The following UTRN variants were observed in gnomAD, a reference collection of about 807,000 sequenced individuals.
The protein encoded by UTRN is utrophin.
A neutral mutation model predicts 463.9 loss-of-function variants in UTRN; 283 were observed. The ratio of observed to expected loss-of-function variants is 0.61; its 90% confidence interval spans 0.55 to 0.67. The LOEUF is 0.67. Among genes scored for constraint, UTRN ranks in the 30% least tolerant of loss-of-function variants. The pLI is 0.00. For synonymous variants in UTRN, 1,442 were observed against 1,431.5 expected, an observed-to-expected ratio of 1.01 and a Z score of -0.17; for missense variants, 3,922 against 4,084.3, an observed-to-expected ratio of 0.96 and a Z score of 1.08.
intron 65 of UTRN, among the ~76,000 whole-genome samples, chr6:144,819,156 C>G (rs17074272): frequency 0.059 from 8,942 of 152,202 alleles, 864 homozygotes; most frequent in African/African-American, 0.2. Context: ...ATGGGGCTGG[C>G]ACCTTGTTGC....
At chr6:144,522,302 C>A in intron 40 of UTRN, 131 bp downstream of exon 40, 1 of 649,224 alleles carries the variant, frequency 1.5e-6, no homozygotes, top group African/African-American at 1.9e-5. Flanking sequence ...ATATGTATGA[C>A]TAGTAAAGCT....
At chr6:144,462,530 C>CT (rs1562437644) in intron 22 of UTRN, 124 bp from the exon 23 acceptor site, 4 of 886,340 alleles carry the variant, frequency 4.5e-6, no homozygotes, top group Non-Finnish European at 6.7e-6. Flanking sequence ...ACCCACTGTT[C>CT]TTTTTAGATA....
At chr6:144,649,973 A>C (rs1209744578) in intron 51 of UTRN, among the ~76,000 whole-genome samples, 1 of 152,156 alleles carries the variant, frequency 6.6e-6, no homozygotes, top group Non-Finnish European at 1.5e-5. Flanking sequence ...TGCTGCTAAT[A>C]AAGACAGACA....
intron 54 of UTRN, among the ~76,000 whole-genome samples, chr6:144,732,277 T>TATATATATAC (rs1788740544): frequency 5.6e-5 from 5 of 88,744 alleles, no homozygotes; most frequent in African/African-American, 2.5e-4. Context: ...TATATATATA[T>TATATATATAC]ACACACATAT....
At chr6:144,423,930 G>A in intron 5 of UTRN, 56 bp from the exon 6 acceptor site, 2 of 1,553,428 alleles carry the variant, frequency 1.3e-6, no homozygotes, top group Non-Finnish European at 1.8e-6. Flanking sequence ...CTGGAGTTCT[G>A]TGAAGAAATT....
chr6:144,617,778 C>T (rs976065414), intron 51 of UTRN, among the ~76,000 whole-genome samples: 1 of 152,206 alleles, frequency 6.6e-6, no homozygotes, highest in African/African-American at 2.4e-5. Flanking sequence ...GCATGATCAC[C>T]TTGCATTGAA....
chr6:144,580,505 G>A (rs1801871941), intron 51 of UTRN, among the ~76,000 whole-genome samples: 1 of 152,152 alleles, frequency 6.6e-6, no homozygotes, highest in South Asian at 2.1e-4. Context: ...TAACTTTTGG[G>A]AGTATGCTAT....
At chr6:144,807,431 A>C (rs1004182633) in intron 65 of UTRN, among the ~76,000 whole-genome samples, 13 of 152,236 alleles carry the variant, frequency 8.5e-5, no homozygotes, top group African/African-American at 3.1e-4. Flanking sequence ...GAAATGTAGC[A>C]GAATTTTTAT....
chr6:144,782,185 G>A (rs1303573870), intron 61 of UTRN, 62 bp downstream of exon 61: 19 of 1,390,838 alleles, frequency 1.4e-5, no homozygotes, highest in Non-Finnish European at 1.8e-5. Flanking sequence ...AATAGAAAAT[G>A]TCTGATTTTT....
intron 2 of UTRN, among the ~76,000 whole-genome samples, chr6:144,343,408 AC>A (rs1777302355): frequency 1.4e-5 from 2 of 141,416 alleles, no homozygotes; most frequent in Non-Finnish European, 3.0e-5. Context: ...ACACACACAC[AC>A]AATAGCCGGG....
intron 2 of UTRN, among the ~76,000 whole-genome samples, chr6:144,354,511 G>C (rs986309572): frequency 5.3e-5 from 8 of 152,202 alleles, no homozygotes; most frequent in African/African-American, 9.7e-5. Context: ...CCCTTTCTCT[G>C]GCTGGGTAGT....
intron 51 of UTRN, among the ~76,000 whole-genome samples, chr6:144,597,379 A>T (rs908061641): frequency 6.6e-6 from 1 of 152,206 alleles, no homozygotes; most frequent in African/African-American, 2.4e-5. Context: ...AGGCATGCCT[A>T]CTATAAAAGT....
chr6:144,752,453 G>T (rs1791502613), intron 56 of UTRN, among the ~76,000 whole-genome samples: 1 of 152,042 alleles, frequency 6.6e-6, no homozygotes, highest in Non-Finnish European at 1.5e-5. Context: ...TTGGTTTAAT[G>T]ACTCTAGACC....
intron 53 of UTRN, among the ~76,000 whole-genome samples, chr6:144,720,074 C>T (rs1285380016): frequency 9.2e-5 from 14 of 152,180 alleles, no homozygotes; most frequent in Non-Finnish European, 1.2e-4. Flanking sequence ...CAGGGATTCC[C>T]CTCTTCCCTC....
chr6:144,654,315 A>T (rs1335617893), intron 51 of UTRN, among the ~76,000 whole-genome samples: 2 of 152,212 alleles, frequency 1.3e-5, no homozygotes, highest in East Asian at 3.9e-4. Context: ...GAGAAATCCC[A>T]CTGCTTAGTA....
At chr6:144,687,186 G>A (rs531465628) in intron 52 of UTRN, among the ~76,000 whole-genome samples, 9 of 152,172 alleles carry the variant, frequency 5.9e-5, no homozygotes, top group African/African-American at 2.2e-4. Context: ...CTAGTATTTT[G>A]TTGAGGATTT....
At chr6:144,489,607 A>G (rs1254874260) in intron 30 of UTRN, among the ~76,000 whole-genome samples, 2 of 152,032 alleles carry the variant, frequency 1.3e-5, no homozygotes, top group Admixed American at 1.3e-4. Context: ...CCATATTATT[A>G]TTATTATACA....
chr6:144,684,263 T>A (rs1047365631), intron 52 of UTRN, among the ~76,000 whole-genome samples: 2 of 152,102 alleles, frequency 1.3e-5, no homozygotes, highest in Non-Finnish European at 2.9e-5. Context: ...TTGGCCAGGC[T>A]GGTCTCAAAT....
intron 51 of UTRN, among the ~76,000 whole-genome samples, chr6:144,584,377 T>G (rs1436178422): frequency 6.6e-6 from 1 of 152,060 alleles, no homozygotes; most frequent in Admixed American, 6.6e-5. Flanking sequence ...AAGGAGAGAG[T>G]TATAATAGCA....
Sources: gnomAD v4.1 joint callset for allele counts (sites outside exome capture counted in the v4.1 genomes callset) on GRCh38, gnomAD v4.1.1 for gene constraint, MANE v1.5 for transcripts, NCBI Gene and HGNC (gene_info 2026-07-23, HGNC 2026-07-21) for gene names.